COL6A3: variants seen among roughly 807,000 people sequenced by gnomAD.
COL6A3 encodes collagen alpha-3(VI) chain.
COL6A3 carries 137 observed loss-of-function variants against 274.1 expected under a neutral mutation model. The observed-to-expected ratio is 0.50, with a 90% CI of 0.44 to 0.58. The LOEUF (loss-of-function observed/expected upper bound fraction) is 0.58. Among genes scored for constraint, COL6A3 ranks in the 20% least tolerant of loss-of-function variants. The pLI is 0.00. For synonymous variants in COL6A3, 1,650 were observed against 1,650.6 expected (o/e 1.00, Z 0.01); for missense variants, 3,950 against 4,124.9 (o/e 0.96, Z 1.16).
intron 4 of COL6A3, among the ~76,000 whole-genome samples, chr2:237,387,239 G>A (rs754681523): frequency 2.0e-5 from 3 of 152,170 alleles, no homozygotes; most frequent in Non-Finnish European, 4.4e-5. Context: ...GAACTGTAAT[G>A]AGCCCCTCAA....
rs751580746 is a variant in COL6A3 at position 237,336,274 on chromosome 2, C to T, written c.8826G>A (p.Ala2942=). Residue 2942 remains alanine (A), a synonymous_variant, in exon 40 of 44, where the codon GCG becomes GCA. Transcript: ENST00000295550. ...CTGCTGGCTTTGCTGCTACAGGCTT[C>T]GCTGCCGTTGCTGGCTTCACCGCCA... ...PPVAVKPATA[A]KPVAAKPAAV... The T allele has an allele frequency of 7.0e-5, 113 of 1,613,894 alleles. No homozygotes were observed. The highest frequency in any genetic ancestry group is 3.3e-4 in the Middle Eastern group (2 of 6,080).
In COL6A3 at chr2:237,364,806, T is replaced by C. The variant is rs910466624; in HGVS notation, c.5839-378A>G. Among the ~76,000 whole-genome samples, 2 of 100,878 alleles carry C rather than the reference T, an allele frequency of 2.0e-5. No homozygotes were observed. The highest frequency in any genetic ancestry group is 3.1e-5 in the African/African-American group (1 of 32,676). 66.2% of individuals were successfully genotyped at this position (100,878 alleles called of 152,430 possible). A position where few individuals can be genotyped will look rare whatever the true frequency, so the allele number is the denominator to read the frequency against. ...TGTATGGGTGCATTGTGTGTGCATGTGTGTGCACGTGTGTGTGCATGTGTG... is the reference window on the plus strand; with the variant it reads ...TGTATGGGTGCATTGTGTGTGCATGCGTGTGCACGTGTGTGTGCATGTGTG... On this transcript the variant is annotated intron_variant, in intron 12 of 43. Coordinates refer to ENST00000295550, the MANE Select transcript of COL6A3 (RefSeq NM_004369.4). The surrounding 1 kb of genome is among the most constrained non-coding windows in gnomAD (Gnocchi z 4.6).
At chr2:237,332,070 CATATAT>C (rs58082340) in intron 42 of COL6A3, among the ~76,000 whole-genome samples, 382 of 35,116 alleles carry the variant, frequency 0.011, 20 homozygotes, top group South Asian at 0.02. Context: ...TCTCTCTCTA[CATATAT>C]ATATATATAT....
Position 237,334,898 on chromosome 2 carries a change from T to C in COL6A3, c.8966-9A>G. ...TTCACGGGACATCTTAACTGAAAGA[T>C]AGATCAGAGCGTGAAGATAAAAAAT... is the stretch of plus-strand genomic sequence containing the variant. On this transcript the variant is annotated splice_polypyrimidine_tract_variant and intron_variant, in intron 40 of 43. Transcript: ENST00000295550. The C allele has an allele frequency of 6.2e-7, 1 of 1,614,058 alleles. No individual in the cohort carries two copies. Among genetic ancestry groups the C allele is most frequent in the Non-Finnish European group, 8.5e-7 (1 of 1,179,996 alleles).
intron 16 of COL6A3, among the ~76,000 whole-genome samples, chr2:237,360,478 G>A (rs1192375962): frequency 6.6e-6 from 1 of 152,126 alleles, no homozygotes; most frequent in Non-Finnish European, 1.5e-5. Context: ...AGACCCACCG[G>A]GCTGACAGCT....
rs78208109 is a variant in COL6A3, at chr2:237,347,478, G to A, written c.7029+329C>T. ...TCCCATTGCCTGGCCGTCTGGGTGGGCATGGCCCAAAGTGACTGCACAGAC... is the reference window on the plus strand; with the variant it reads ...TCCCATTGCCTGGCCGTCTGGGTGGACATGGCCCAAAGTGACTGCACAGAC... On this transcript the variant is annotated intron_variant, in intron 31 of 43. Transcript: ENST00000295550. 2.1e-4 allele frequency among the ~76,000 whole-genome samples: 32 copies of A among 152,312 alleles called. 1 individual carries two copies. In the East Asian group the frequency reaches 5.4e-3, roughly 26 times the overall value.
rs537259151 is a variant in COL6A3, at chr2:237,410,791, T to G, written c.-31+3162A>C. Reference sequence around the variant, plus strand: ...GAGGGGGCAAGCAACATGTTTTATTTAAAGAATAGGATTGTCCTTTCTTTG... The same window carrying G: ...GAGGGGGCAAGCAACATGTTTTATTGAAAGAATAGGATTGTCCTTTCTTTG... On this transcript the variant is annotated intron_variant, in intron 1 of 43. Coordinates refer to ENST00000295550, the MANE Select transcript of COL6A3 (RefSeq NM_004369.4). 2.3e-4 allele frequency among the ~76,000 whole-genome samples: 35 copies of G among 152,364 alleles called. No individual in the cohort carries two copies. In the South Asian group the frequency reaches 5.6e-3, roughly 24 times the overall value.
In COL6A3 at chr2:237,360,097, T is replaced by C; in HGVS notation, c.6273A>G (p.Arg2091=). ...ATCACCCACGCCTCACCTTTACTCC[T>C]CTCTGGCCCGGGCAGCCCTGGAAAC... ...TQGFQGCPGQ[R]GVKGSRGFPG... The change falls in exon 17 of 44, where the codon AGA becomes AGG. Residue 2091 remains arginine, a synonymous_variant. Transcript: ENST00000295550. The C allele has an allele frequency of 6.2e-7, 1 of 1,613,914 alleles. No individual in the cohort carries two copies. The highest frequency in any genetic ancestry group is 8.5e-7 in the Non-Finnish European group (1 of 1,179,972).
At chr2:237,372,616 G>A (rs78035950) in intron 8 of COL6A3, among the ~76,000 whole-genome samples, 55 of 152,324 alleles carry the variant, frequency 3.6e-4, no homozygotes, top group African/African-American at 1.3e-3. Context: ...CACTGCATCA[G>A]GTGCTGCTCA....
At chr2:237,347,932 G>T in intron 30 of COL6A3, 63 bp from the exon 31 acceptor site, 1 of 1,477,662 alleles carries the variant, frequency 6.8e-7, no homozygotes, top group Non-Finnish European at 9.3e-7. Context: ...CTGAGGGTCC[G>T]TGGGGTAAGA....
chr2:237,339,439 G>T (rs981302437), intron 38 of COL6A3, among the ~76,000 whole-genome samples: 2 of 152,176 alleles, frequency 1.3e-5, no homozygotes, highest in African/African-American at 4.8e-5. Flanking sequence ...TAGACTCTTG[G>T]ACATCAGATT....
At chr2:237,398,373 GA>G (rs1023993018) in intron 1 of COL6A3, among the ~76,000 whole-genome samples, 2 of 152,192 alleles carry the variant, frequency 1.3e-5, no homozygotes, top group African/African-American at 4.8e-5. Flanking sequence ...TGCGCCATCA[GA>G]CCTTTCCCCT....
Position 237,371,036 on chromosome 2 carries a change from TC to T in COL6A3, c.4285+695del, listed in dbSNP as rs1444350594. Among the ~76,000 whole-genome samples the T allele has an allele frequency of 5.3e-5, 8 of 152,168 alleles. No individual in the cohort carries two copies. Among genetic ancestry groups the T allele is most frequent in the Non-Finnish European group, 1.0e-4 (7 of 68,032 alleles). ...TCTCTACCAATCTATACCAAGGCCA[TC>T]CTGCTTCTAGGTAAGACTTAAGATA... On this transcript the variant is annotated intron_variant, in intron 9 of 43. Transcript: ENST00000295550. The surrounding 1 kb of genome is among the most constrained non-coding windows in gnomAD (Gnocchi z 4.3).
In COL6A3 at chr2:237,332,070, CATATATATATATATATAT is replaced by C. The variant is rs58082340; in HGVS notation, c.9328+1362_9328+1379del. 9.7e-3 allele frequency among the ~76,000 whole-genome samples: 342 copies of C among 35,178 alleles called. 18 individuals carry two copies. Among genetic ancestry groups the C allele is most frequent in the Admixed American group, 0.023 (77 of 3,310 alleles). 23.1% of individuals were successfully genotyped at this position (35,178 alleles called of 152,430 possible). On this transcript the variant is annotated intron_variant, in intron 42 of 43. Transcript: ENST00000295550. ...CCCCCCATCTCTCTCTCTCTCTCTA[CATATATATATATATATAT>C]ATATATATATATATATATATATATA... is the stretch of plus-strand genomic sequence containing the variant.
chr2:237,363,154 A>T, intron 14 of COL6A3, 99 bp downstream of exon 14: 1 of 859,390 alleles, frequency 1.2e-6, no homozygotes, highest in Non-Finnish European at 1.8e-6. Flanking sequence ...CCCCCCCCCC[A>T]CCTCCATTCA....
chr2:237,395,644 G>T (rs2078420601), intron 2 of COL6A3, among the ~76,000 whole-genome samples: 1 of 152,172 alleles, frequency 6.6e-6, no homozygotes, highest in Admixed American at 6.5e-5. Context: ...AAAAGGAAAA[G>T]TAAAAATTGC....
At chr2:237,373,179 C>G (rs2077738116) in intron 8 of COL6A3, among the ~76,000 whole-genome samples, 1 of 152,062 alleles carries the variant, frequency 6.6e-6, no homozygotes. Context: ...GGGCAAAGAG[C>G]CACAGCGTTG....
intron 23 of COL6A3, 161 bp from the exon 24 acceptor site, chr2:237,355,095 C>A (rs939110480): frequency 1.5e-6 from 1 of 652,656 alleles, no homozygotes; most frequent in Admixed American, 2.5e-5. Flanking sequence ...ACCTCATCAG[C>A]CCTGGGGAAA....
Position 237,344,728 on chromosome 2 carries a change from A to T in COL6A3, c.7290T>A (p.Asn2430Lys). 1 of 1,604,398 alleles carries T rather than the reference A, an allele frequency of 6.2e-7. No individual in the cohort carries two copies. The highest frequency in any genetic ancestry group is 8.5e-7 in the Non-Finnish European group (1 of 1,175,208). The change falls in exon 36 of 44, where the codon AAT (asparagine) becomes AAA (lysine). Residue 2430 changes from asparagine (N) to lysine (K), a missense_variant. Around this residue, in one of 5 missense-constraint regions of COL6A3, gnomAD observed 1,284 missense variants for 1,349.7 expected, o/e 0.95. Transcript: ENST00000295550. This position sits in a 1 kb window ranked among gnomAD's most constrained non-coding sequence, Gnocchi z 4.8. ...AGTTGCTCTCAGCAATGGTCAGGTC[A>T]TTCACAATACTCAAGACCACATCTC... is the stretch of plus-strand genomic sequence containing the variant. ...RMRDVVLSIV[N>K]DLTIAESNCP...
Sources: gnomAD v4.1 joint callset for allele counts (sites outside exome capture counted in the v4.1 genomes callset) on GRCh38, gnomAD v4.1.1 for gene constraint, gnomAD v4.1.1 regional missense constraint, Gnocchi (gnomAD v3.1) non-coding constraint, MANE v1.5 for transcripts, NCBI Gene and HGNC (gene_info 2026-07-23, HGNC 2026-07-21) for gene names.